The following PTPN1 variants were observed in gnomAD, a reference collection of about 807,000 sequenced individuals.
PTPN1 encodes the protein tyrosine-protein phosphatase non-receptor type 1.
Under a neutral mutation model 59.9 loss-of-function variants are expected in PTPN1, and 12 were observed. That is an observed-to-expected ratio of 0.20 (90% CI 0.13 to 0.32). The LOEUF (loss-of-function observed/expected upper bound fraction) is 0.32. Ranked by LOEUF, PTPN1 falls within the 10% of genes least tolerant of loss-of-function variation. The pLI, the probability that PTPN1 is intolerant of heterozygous loss-of-function variation, is 1.00. For synonymous variants in PTPN1, 178 were observed against 203.6 expected (o/e 0.87, Z 1.07); for missense variants, 356 against 549.2 (o/e 0.65, Z 3.52).
chr20:50,562,637 G>A (rs2082758478), intron 2 of PTPN1, among the ~76,000 whole-genome samples: 1 of 152,220 alleles, frequency 6.6e-6, no homozygotes, highest in Admixed American at 6.5e-5. Context: ...AACATCTGAA[G>A]TGCACTTCTA....
At position 50,581,301 on chromosome 20, in the gene PTPN1, G is replaced by A. The variant is rs149610824; in HGVS notation, c.1125G>A (p.Val375=). 2.5e-6 allele frequency: 4 copies of A among 1,612,990 alleles called. No individual in the cohort carries two copies. Among genetic ancestry groups the A allele is most frequent in the African/African-American group, 1.3e-5 (1 of 74,902 alleles). Residue 375 remains valine, a synonymous_variant, in exon 9 of 10, where the codon GTG becomes GTA. Transcript: ENST00000371621. ...ACACTGAAGTTAGAAGTCGGGTCGT[G>A]GGGGGAAGTCTTCGAGGTGCCCAGG... The part of the protein sequence containing the change: ...SQDTEVRSRV[V]GGSLRGAQAA...
chr20:50,583,070 G>GCCC lies in PTPN1; in HGVS notation c.*361_*363dup. ...ATCCCAGGCGGGCGGCACGCCAACA[G>GCCC]CCCCCCCCTTGAATCTGCAGGGAGC... On this transcript the variant is annotated 3_prime_UTR_variant, in exon 10 of 10. Transcript: ENST00000371621. 1 of 301,634 alleles carries GCCC rather than the reference G, an allele frequency of 3.3e-6. No homozygotes were observed. The highest frequency in any genetic ancestry group is 6.2e-6 in the Non-Finnish European group (1 of 162,132). 18.7% of individuals were successfully genotyped at this position (301,634 alleles called of 1,614,324 possible).
chr20:50,511,229 C>CCTAG (rs1398613050), intron 1 of PTPN1, among the ~76,000 whole-genome samples: 1 of 152,128 alleles, frequency 6.6e-6, no homozygotes, highest in Non-Finnish European at 1.5e-5. Flanking sequence ...TCGAATAGGG[C>CCTAG]AATCAAACAC....
Position 50,583,098 on chromosome 20 carries a change from C to G in PTPN1, c.*383C>G, listed in dbSNP as rs548646945. On this transcript the variant is annotated 3_prime_UTR_variant, in exon 10 of 10. Transcript: ENST00000371621. ...CCCCCCTTGAATCTGCAGGGAGCAA[C>G]TCTCCACTCCATATTTATTTAAACA... 2.3e-5 allele frequency: 6 copies of G among 255,930 alleles called. No homozygotes were observed. The highest frequency in any genetic ancestry group is 4.5e-5 in the Non-Finnish European group (6 of 134,362). The allele number at this position is 255,930 out of a possible 1,614,324, so 15.9% of individuals were successfully genotyped here. A position where few individuals can be genotyped will look rare whatever the true frequency, so the allele number is the denominator to read the frequency against.
intron 1 of PTPN1, 127 bp downstream of exon 1, chr20:50,510,717 A>C: frequency 9.8e-7 from 1 of 1,024,336 alleles, no homozygotes; most frequent in Non-Finnish European, 1.4e-6. Flanking sequence ...TGAGGATTCG[A>C]TGGGACAGCG....
intron 1 of PTPN1, among the ~76,000 whole-genome samples, chr20:50,553,589 G>GT (rs1162833130): frequency 6.6e-6 from 1 of 152,170 alleles, no homozygotes; most frequent in Non-Finnish European, 1.5e-5. Flanking sequence ...AGGATATTTG[G>GT]TAGAAACATT....
chr20:50,548,052 TGCA>T (rs2082683594), intron 1 of PTPN1, among the ~76,000 whole-genome samples: 1 of 152,226 alleles, frequency 6.6e-6, no homozygotes, highest in South Asian at 2.1e-4. Flanking sequence ...CTCAACATCC[TGCA>T]GCTTGACCGT....
Position 50,574,664 on chromosome 20 carries a change from GC to G in PTPN1, c.492+11del. The G allele has an allele frequency of 6.3e-7, 1 of 1,599,474 alleles. No individual in the cohort carries two copies. The highest frequency in any genetic ancestry group is 8.5e-7 in the Non-Finnish European group (1 of 1,175,332). On this transcript the variant is annotated intron_variant, in intron 5 of 9. Coordinates refer to ENST00000371621, the MANE Select transcript of PTPN1 (RefSeq NM_002827.4). Reference sequence around the variant, plus strand: ...ATTGGAAAACCTTACAGTGAGTATAGCACACACTTCAGCACTTCAGGCGGCT... The same window carrying G: ...ATTGGAAAACCTTACAGTGAGTATAGACACACTTCAGCACTTCAGGCGGCT...
intron 1 of PTPN1, among the ~76,000 whole-genome samples, chr20:50,512,244 T>G (rs1029380224): frequency 6.6e-6 from 1 of 152,224 alleles, no homozygotes; most frequent in Non-Finnish European, 1.5e-5. Flanking sequence ...CTAAAATGTC[T>G]TTAAATGAAA....
chr20:50,560,570 C>T (rs1468269322), intron 1 of PTPN1, among the ~76,000 whole-genome samples: 2 of 151,280 alleles, frequency 1.3e-5, no homozygotes, highest in African/African-American at 4.9e-5. Flanking sequence ...AATTCTATTG[C>T]TGTTGTCTGC....
At chr20:50,572,837 A>G (rs886925814) in intron 4 of PTPN1, 2 of 152,194 alleles carry the variant, frequency 1.3e-5, no homozygotes, top group Non-Finnish European at 2.9e-5. Flanking sequence ...GGGTCTTGCC[A>G]TGTAATTAGC....
intron 1 of PTPN1, among the ~76,000 whole-genome samples, chr20:50,554,369 A>G (rs1438172832): frequency 1.8e-5 from 1 of 56,640 alleles, no homozygotes; most frequent in Non-Finnish European, 3.9e-5. Context: ...CCTAGGCAAC[A>G]GCAAGACCAC....
intron 3 of PTPN1, among the ~76,000 whole-genome samples, chr20:50,566,193 A>G (rs1444868557): frequency 6.6e-6 from 1 of 152,178 alleles, no homozygotes; most frequent in Non-Finnish European, 1.5e-5. Context: ...GAGGGGGTTG[A>G]TAAGGCGGGA....
In PTPN1 at chr20:50,583,023, AC is replaced by A; in HGVS notation, c.*311del. The A allele has an allele frequency of 2.3e-6, 1 of 425,756 alleles. No individual in the cohort carries two copies. The highest frequency in any genetic ancestry group is 3.6e-5 in the Admixed American group (1 of 27,694). 26.4% of individuals were successfully genotyped at this position (425,756 alleles called of 1,614,324 possible). ...CTACACCCGTCTTGGGGCTCGCCCC[AC>A]CCAGGGCTCCCTCCTGGAGCATCCC... On this transcript the variant is annotated 3_prime_UTR_variant, in exon 10 of 10. Coordinates refer to ENST00000371621, the MANE Select transcript of PTPN1 (RefSeq NM_002827.4).
intron 1 of PTPN1, among the ~76,000 whole-genome samples, chr20:50,540,721 A>C (rs1254865885): frequency 1.3e-5 from 2 of 152,226 alleles, no homozygotes; most frequent in Middle Eastern, 3.2e-3. Flanking sequence ...GGTGCCCATC[A>C]GCCTGCCAAG....
chr20:50,578,738 CT>C, intron 6 of PTPN1, 109 bp downstream of exon 6: 1 of 893,826 alleles, frequency 1.1e-6, no homozygotes, highest in Non-Finnish European at 1.7e-6. Context: ...CAGAGACTCA[CT>C]GTGTTAGTCT....
intron 4 of PTPN1, among the ~76,000 whole-genome samples, chr20:50,569,836 G>A: frequency 6.6e-6 from 1 of 152,268 alleles, no homozygotes. Flanking sequence ...GCCTGTGCAG[G>A]CGCAGGCCAG....
Position 50,537,179 on chromosome 20 carries a change from T to G in PTPN1, c.64-24184T>G, listed in dbSNP as rs150708045. On this transcript the variant is annotated intron_variant, in intron 1 of 9. Transcript: ENST00000371621. ...CTCTACTAAAAATACAAAAATTAGC[T>G]GGGTGTGGTGGCGGGCACCTGTAAT... Among the ~76,000 whole-genome samples the G allele has an allele frequency of 2.0e-3, 307 of 152,158 alleles. 1 individual carries two copies. Among genetic ancestry groups the G allele is most frequent in the Non-Finnish European group, 3.6e-3 (244 of 68,008 alleles).
Position 50,565,073 on chromosome 20 carries a change from A to G in PTPN1, c.255+4A>G, listed in dbSNP as rs1423011265. On this transcript the variant is annotated splice_donor_region_variant and intron_variant, in intron 3 of 9. Transcript: ENST00000371621. ...AAGGAGTTACATTCTTACCCAGGTA[A>G]GCAGATTGTCTGAATTTTCTATTTA... is the stretch of plus-strand genomic sequence containing the variant. 1 of 1,606,086 alleles carries G rather than the reference A, an allele frequency of 6.2e-7. No individual in the cohort carries two copies. The highest frequency in any genetic ancestry group is 8.5e-7 in the Non-Finnish European group (1 of 1,177,860).
Sources: gnomAD v4.1 joint callset for allele counts (sites outside exome capture counted in the v4.1 genomes callset) on GRCh38, gnomAD v4.1.1 for gene constraint, MANE v1.5 for transcripts, NCBI Gene and HGNC (gene_info 2026-07-23, HGNC 2026-07-21) for gene names.